The following SLC4A4 variants were observed in gnomAD, a reference collection of about 807,000 sequenced individuals.
SLC4A4 encodes the protein solute carrier family 4 member 4, also known as electrogenic sodium bicarbonate cotransporter 1.
In SLC4A4, 27 loss-of-function variants were observed where a neutral mutation model predicts 111.5. That is an observed-to-expected ratio of 0.24 (90% CI 0.18 to 0.33). The LOEUF (loss-of-function observed/expected upper bound fraction) is 0.33, where lower values mean the gene tolerates loss of function less well. Ranked by LOEUF, SLC4A4 falls within the 10% of genes least tolerant of loss-of-function variation. The pLI is 1.00. For synonymous variants in SLC4A4, 443 were observed against 463.4 expected (o/e 0.96, Z 0.57); for missense variants, 909 against 1,315.5 (o/e 0.69, Z 4.78).
At position 71,339,220 on chromosome 4, in the gene SLC4A4, T is replaced by C. The variant is rs201525781; in HGVS notation, c.254-150T>C. 134 of 1,614,042 alleles carry C rather than the reference T, an allele frequency of 8.3e-5. No individual in the cohort carries two copies. The Admixed American group carries it at 2.1e-3, about 25-fold the overall frequency. ...GCTTTGATTTCTTTTTGGCTTTAGA[T>C]TGGGGATTTGGGAGGCTTAGCAGGA... On this transcript the variant is annotated intron_variant, in intron 3 of 25. Transcript: ENST00000264485.
intron 16 of SLC4A4, among the ~76,000 whole-genome samples, chr4:71,500,006 C>T (rs754855919): frequency 6.6e-6 from 1 of 152,120 alleles, no homozygotes; most frequent in African/African-American, 2.4e-5. Context: ...AACTTTCATA[C>T]TGTTTTCTGT....
chr4:71,511,845 CAT>C (rs1294587627), intron 16 of SLC4A4, among the ~76,000 whole-genome samples: 2 of 152,156 alleles, frequency 1.3e-5, no homozygotes, highest in Non-Finnish European at 2.9e-5. Flanking sequence ...TTAGCTTCCA[CAT>C]ATGAGTGATA....
intron 1 of SLC4A4, among the ~76,000 whole-genome samples, chr4:71,210,213 A>G (rs919617232): frequency 6.6e-6 from 1 of 152,264 alleles, no homozygotes; most frequent in Non-Finnish European, 1.5e-5. Flanking sequence ...ATAGTCAATG[A>G]TTGCTTCCTT....
At chr4:71,310,796 A>G (rs1382555622) in intron 3 of SLC4A4, among the ~76,000 whole-genome samples, 1 of 152,222 alleles carries the variant, frequency 6.6e-6, no homozygotes, top group African/African-American at 2.4e-5. Flanking sequence ...ATAACCAGCT[A>G]GCATCATGAT....
At chr4:71,173,337 T>A (rs56354989) in intron 2 of SLC4A4, among the ~76,000 whole-genome samples, 1,549 of 152,356 alleles carry the variant, frequency 0.01, 15 homozygotes, top group Non-Finnish European at 0.016. Flanking sequence ...AATTTAGGTG[T>A]TCTATTGTGT....
intron 18 of SLC4A4, among the ~76,000 whole-genome samples, chr4:71,545,166 G>A (rs960038733): frequency 1.8e-4 from 28 of 151,956 alleles, no homozygotes; most frequent in Admixed American, 1.6e-3. Context: ...AGCCAAGCCT[G>A]GACTAGGTGA....
chr4:71,406,966 C>G (rs1486821567), intron 7 of SLC4A4, among the ~76,000 whole-genome samples: 14 of 152,146 alleles, frequency 9.2e-5, no homozygotes, highest in Non-Finnish European at 2.9e-5. Flanking sequence ...ACTGTCAACT[C>G]TATTTGACAT....
intron 16 of SLC4A4, among the ~76,000 whole-genome samples, chr4:71,504,699 C>CT (rs1164604586): frequency 6.8e-6 from 1 of 146,626 alleles, no homozygotes; most frequent in African/African-American, 2.5e-5. Context: ...TTCTTTTTTG[C>CT]TTTTTTTGTA....
intron 6 of SLC4A4, among the ~76,000 whole-genome samples, chr4:71,361,904 C>T (rs1435078199): frequency 6.6e-6 from 1 of 152,106 alleles, no homozygotes; most frequent in Non-Finnish European, 1.5e-5. Context: ...ATGTTTATGA[C>T]AAGCATAACA....
intron 2 of SLC4A4, among the ~76,000 whole-genome samples, chr4:71,135,483 A>T (rs1363773292): frequency 6.6e-6 from 1 of 151,934 alleles, no homozygotes; most frequent in African/African-American, 2.4e-5. Flanking sequence ...TTTAGTAGAG[A>T]TGGGATTTTA....
At chr4:71,352,414 C>T (rs1217391003) in intron 5 of SLC4A4, among the ~76,000 whole-genome samples, 2 of 151,922 alleles carry the variant, frequency 1.3e-5, no homozygotes, top group African/African-American at 4.8e-5. Flanking sequence ...CTAAATTTTC[C>T]CCACTTAGGG....
chr4:71,542,730 C>A (rs755772816), intron 18 of SLC4A4, among the ~76,000 whole-genome samples: 5 of 152,054 alleles, frequency 3.3e-5, no homozygotes, highest in Non-Finnish European at 5.9e-5. Context: ...TCTTAGCACC[C>A]TGAATTCACC....
At chr4:71,181,928 G>A (rs1745306244) in intron 2 of SLC4A4, among the ~76,000 whole-genome samples, 1 of 152,174 alleles carries the variant, frequency 6.6e-6, no homozygotes. Context: ...AGGTGAAAGG[G>A]AGTGCTGTTA....
intron 7 of SLC4A4, chr4:71,437,665 C>A: frequency 2.0e-6 from 1 of 489,742 alleles, no homozygotes. Flanking sequence ...TAATAAGATG[C>A]TGAGAGCACA....
chr4:71,093,370 G>A (rs1742441203), intron 2 of SLC4A4, among the ~76,000 whole-genome samples: 1 of 152,056 alleles, frequency 6.6e-6, no homozygotes, highest in Non-Finnish European at 1.5e-5. Context: ...GTTTCACCAT[G>A]TTGGCCAGGC....
intron 6 of SLC4A4, among the ~76,000 whole-genome samples, chr4:71,361,571 A>C (rs1730794260): frequency 6.6e-6 from 1 of 152,218 alleles, no homozygotes; most frequent in Non-Finnish European, 1.5e-5. Flanking sequence ...GAAGAAATTA[A>C]TGAGGTTTTA....
chr4:71,518,358 C>T (rs1332113370), intron 16 of SLC4A4, among the ~76,000 whole-genome samples: 1 of 152,060 alleles, frequency 6.6e-6, no homozygotes, highest in Admixed American at 6.5e-5. Context: ...AGGGTCTAGC[C>T]TGGAGGGTGG....
chr4:71,342,998 C>G (rs1203962871), intron 4 of SLC4A4, among the ~76,000 whole-genome samples: 1 of 152,060 alleles, frequency 6.6e-6, no homozygotes, highest in African/African-American at 2.4e-5. Flanking sequence ...TAATTGCTGT[C>G]GATTAATTCA....
chr4:71,192,860 C>T (rs980346436), intron 1 of SLC4A4, among the ~76,000 whole-genome samples: 1 of 152,194 alleles, frequency 6.6e-6, no homozygotes, highest in Non-Finnish European at 1.5e-5. Context: ...CAAGTCATTA[C>T]TTCCCACCAA....
Sources: allele counts gnomAD v4.1 joint callset (sites outside exome capture counted in the v4.1 genomes callset), GRCh38; gene constraint gnomAD v4.1.1; transcripts MANE v1.5; gene names NCBI Gene and HGNC (gene_info 2026-07-23, HGNC 2026-07-21).